Variants in ABTB2 observed in about 807,000 individuals in gnomAD.
ABTB2 encodes ankyrin repeat and BTB/POZ domain-containing protein 2.
In ABTB2, 56 loss-of-function variants were observed where a neutral mutation model predicts 104.1. The ratio of observed to expected loss-of-function variants is 0.54; its 90% CI spans 0.43 to 0.67. The LOEUF (loss-of-function observed/expected upper bound fraction) is 0.67. Among genes scored for constraint, ABTB2 ranks in the 30% least tolerant of loss-of-function variants. The probability of loss-of-function intolerance (pLI) is 0.00; values close to 1 mark genes in which losing one functional copy is unlikely to be tolerated. For missense variants in ABTB2, 1,279 were observed against 1,407.7 expected, an observed-to-expected ratio of 0.91 and a Z score of 1.46; for synonymous variants, 606 against 608.2, an observed-to-expected ratio of 1.00 and a Z score of 0.05.
Position 34,167,249 on chromosome 11 carries a change from A to C in ABTB2, c.1755+10T>G. On this transcript the variant is annotated intron_variant, in intron 7 of 16. Transcript: ENST00000435224. ...CTGGGGGGCATGGTGTTCACCTGGC[A>C]GGAGCTCACCTGGACCACAGAGATG... is the stretch of plus-strand genomic sequence containing the variant. The C allele has an allele frequency of 6.2e-7, 1 of 1,602,710 alleles. No individual in the cohort carries two copies. The highest frequency in any genetic ancestry group is 8.5e-7 in the Non-Finnish European group (1 of 1,174,238).
At chr11:34,204,418 A>T (rs1853380063) in intron 2 of ABTB2, 126 bp downstream of exon 2, 18 of 1,184,724 alleles carry the variant, frequency 1.5e-5, no homozygotes, top group Non-Finnish European at 2.1e-5. Context: ...AGGGAAGGCA[A>T]GGCACTTGGA....
Position 34,183,687 on chromosome 11 carries a change from T to C in ABTB2, c.1245-10380A>G, listed in dbSNP as rs531946353. On this transcript the variant is annotated intron_variant, in intron 3 of 16. Coordinates refer to ENST00000435224, the MANE Select transcript of ABTB2 (RefSeq NM_145804.3). ...CAATGATTTGGTTGGTATGGTTTTG[T>C]ACGGTCTCTCCTCTGGACTATATCT... is the stretch of plus-strand genomic sequence containing the variant. Among the ~76,000 whole-genome samples, 14 of 152,354 alleles carry C rather than the reference T, an allele frequency of 9.2e-5. No homozygotes were observed. The South Asian group carries it at 1.2e-3, about 14-fold the overall frequency.
chr11:34,189,615 C>T (rs147406940), intron 3 of ABTB2, among the ~76,000 whole-genome samples: 1 of 152,262 alleles, frequency 6.6e-6, no homozygotes, highest in African/African-American at 2.4e-5. Flanking sequence ...ACAACAACCA[C>T]TCAACTAATT....
At chr11:34,319,418 G>A (rs1854975682) in intron 1 of ABTB2, among the ~76,000 whole-genome samples, 1 of 152,236 alleles carries the variant, frequency 6.6e-6, no homozygotes, top group Admixed American at 6.5e-5. Flanking sequence ...GGCAGCAGGG[G>A]AGGAGAAACC....
intron 1 of ABTB2, among the ~76,000 whole-genome samples, chr11:34,215,121 C>A (rs1239490264): frequency 1.3e-5 from 2 of 152,182 alleles, no homozygotes; most frequent in Non-Finnish European, 2.9e-5. Flanking sequence ...CTGCTCTGAG[C>A]CTGTGTGATC....
chr11:34,271,369 C>A (rs916639762), intron 1 of ABTB2, among the ~76,000 whole-genome samples: 24 of 152,310 alleles, frequency 1.6e-4, no homozygotes, highest in Non-Finnish European at 1.8e-4. Flanking sequence ...TGGCTTGGGT[C>A]CAACCATCCA....
intron 2 of ABTB2, 132 bp downstream of exon 2, chr11:34,204,412 A>T: frequency 9.0e-7 from 1 of 1,117,246 alleles, no homozygotes. Flanking sequence ...GCTTTCAGGG[A>T]AGGCAAGGCA....
intron 1 of ABTB2, among the ~76,000 whole-genome samples, chr11:34,341,064 G>A (rs1855256352): frequency 6.6e-6 from 1 of 152,200 alleles, no homozygotes; most frequent in Admixed American, 6.5e-5. Context: ...GCGGGATACT[G>A]TGTGGCTCAA....
chr11:34,350,022 A>G (rs1254125257), intron 1 of ABTB2, among the ~76,000 whole-genome samples: 12 of 152,190 alleles, frequency 7.9e-5, no homozygotes, highest in Admixed American at 7.9e-4. Context: ...GCACAACCGC[A>G]TGTGTACAAG....
intron 1 of ABTB2, among the ~76,000 whole-genome samples, chr11:34,344,641 T>C (rs553885859): frequency 3.3e-5 from 5 of 152,114 alleles, no homozygotes; most frequent in East Asian, 3.9e-4. Flanking sequence ...GGGCCACAGA[T>C]GTGCACCATT....
chr11:34,336,411 C>A (rs1021309009), intron 1 of ABTB2, among the ~76,000 whole-genome samples: 9 of 152,088 alleles, frequency 5.9e-5, no homozygotes, highest in South Asian at 2.1e-4. Context: ...GAGGCTGAGG[C>A]AGGAGGATTG....
intron 1 of ABTB2, among the ~76,000 whole-genome samples, chr11:34,235,483 A>G (rs568996441): frequency 1.3e-5 from 2 of 152,306 alleles, no homozygotes; most frequent in African/African-American, 4.8e-5. Context: ...TCTCTCTGTT[A>G]TCCTCAGAGA....
intron 1 of ABTB2, among the ~76,000 whole-genome samples, chr11:34,323,610 C>T (rs1010991048): frequency 1.3e-5 from 2 of 152,138 alleles, no homozygotes; most frequent in Middle Eastern, 3.2e-3. Context: ...CCTTCTGTCT[C>T]GTATTAGCCT....
intron 8 of ABTB2, 85 bp downstream of exon 8, chr11:34,165,175 C>T (rs1347230591): frequency 2.4e-6 from 3 of 1,270,944 alleles, no homozygotes; most frequent in Non-Finnish European, 2.2e-6. Flanking sequence ...CTAAAGAGAC[C>T]CCTGCACGTC....
At chr11:34,242,024 G>T (rs1853924469) in intron 1 of ABTB2, among the ~76,000 whole-genome samples, 1 of 152,232 alleles carries the variant, frequency 6.6e-6, no homozygotes, top group African/African-American at 2.4e-5. Context: ...CAGAAGCTGC[G>T]AGGAGATGGC....
At chr11:34,213,509 CCACA>C (rs910307065) in intron 1 of ABTB2, among the ~76,000 whole-genome samples, 8 of 152,084 alleles carry the variant, frequency 5.3e-5, no homozygotes, top group Non-Finnish European at 1.0e-4. Flanking sequence ...CTAGACAGCC[CCACA>C]AGTGTGGCAA....
At chr11:34,161,976 C>T (rs73505474) in intron 10 of ABTB2, among the ~76,000 whole-genome samples, 5,112 of 152,230 alleles carry the variant, frequency 0.034, 288 homozygotes, top group African/African-American at 0.12. Flanking sequence ...GTGCTGTCAT[C>T]CACCAAGTGC....
intron 1 of ABTB2, among the ~76,000 whole-genome samples, chr11:34,348,165 TG>T (rs1855356687): frequency 6.6e-6 from 1 of 152,212 alleles, no homozygotes; most frequent in Non-Finnish European, 1.5e-5. Context: ...CTTCTTTTAA[TG>T]CTTTTACTGC....
intron 1 of ABTB2, among the ~76,000 whole-genome samples, chr11:34,206,676 C>G (rs1853411291): frequency 6.6e-6 from 1 of 152,202 alleles, no homozygotes; most frequent in Admixed American, 6.5e-5. Flanking sequence ...ACACCCTGTG[C>G]TGAACCCCAT....
Sources: gnomAD v4.1 joint callset for allele counts (sites outside exome capture counted in the v4.1 genomes callset) on GRCh38, gnomAD v4.1.1 for gene constraint, MANE v1.5 for transcripts, NCBI Gene and HGNC (gene_info 2026-07-23, HGNC 2026-07-21) for gene names.